CFAP46: variants seen among roughly 807,000 people sequenced by gnomAD.
CFAP46 encodes cilia and flagella associated protein 46, also known as cilia- and flagella-associated protein 46.
A neutral mutation model predicts 325.7 loss-of-function variants in CFAP46; 245 were observed. The ratio of observed to expected loss-of-function variants is 0.75; its 90% CI spans 0.68 to 0.84. The LOEUF (loss-of-function observed/expected upper bound fraction) is 0.84. Among genes scored for constraint, CFAP46 ranks in the 40% least tolerant of loss-of-function variants. The pLI is 0.00. For synonymous variants in CFAP46, 1,523 were observed against 1,495.9 expected, an observed-to-expected ratio of 1.02 and a Z score of -0.42; for missense variants, 3,346 against 3,543.0, an observed-to-expected ratio of 0.94 and a Z score of 1.41.
chr10:132,920,719 C>G (rs1057016122), intron 13 of CFAP46, among the ~76,000 whole-genome samples: 3 of 152,226 alleles, frequency 2.0e-5, no homozygotes, highest in African/African-American at 7.2e-5. Context: ...CCCTCTCGGC[C>G]AGCACAGGGG....
intron 44 of CFAP46, among the ~76,000 whole-genome samples, chr10:132,838,731 C>T (rs1344230146): frequency 3.3e-5 from 5 of 152,252 alleles, no homozygotes; most frequent in South Asian, 2.1e-4. Context: ...GGATTTCTAC[C>T]GGGCGCAGAG....
At chr10:132,835,901 C>T (rs999439710) in intron 46 of CFAP46, among the ~76,000 whole-genome samples, 4 of 122,118 alleles carry the variant, frequency 3.3e-5, no homozygotes, top group African/African-American at 1.3e-4. Flanking sequence ...CCCCATGCTC[C>T]CGTCCCCTCC....
In CFAP46 at chr10:132,909,215, G is replaced by A. The variant is rs536131936; in HGVS notation, c.2679C>T (p.Thr893=). The change falls in exon 21 of 58, where the codon ACC becomes ACT. Residue 893 remains threonine (T), a synonymous_variant. Coordinates refer to ENST00000368586, the MANE Select transcript of CFAP46 (RefSeq NM_001200049.3). ...ACATTTCCAAGGCAACGAGGACTCTGGTCACCGAGCTGACATCCTCATTGG... is the reference window on the plus strand; with the variant it reads ...ACATTTCCAAGGCAACGAGGACTCTAGTCACCGAGCTGACATCCTCATTGG... ...QGTNEDVSSV[T]RVLVALEMYS... is the part of the protein sequence containing the mutation. 6.4e-7 allele frequency: 1 copy of A among 1,550,406 alleles called. No individual in the cohort carries two copies. The highest frequency in any genetic ancestry group is 2.0e-5 in the Admixed American group (1 of 51,012).
chr10:132,936,997 C>G lies in CFAP46; in HGVS notation c.719G>C (p.Ser240Thr), dbSNP rs1591102163. ...QLKEEKKNSISLSVTFYINML... is the reference protein window; with the variant it reads ...QLKEEKKNSITLSVTFYINML... ...ATTAATATAGAAAGTGACTGACAGG[C>G]TAATGGAATTTTTCTTTTCTTCCTT... Residue 240 changes from serine (S) to threonine (T), a missense_variant, in exon 7 of 58, where the codon AGC (serine) becomes ACC (threonine). Coordinates refer to ENST00000368586, the MANE Select transcript of CFAP46 (RefSeq NM_001200049.3). 2 of 1,545,904 alleles carry G rather than the reference C, an allele frequency of 1.3e-6. No homozygotes were observed. The highest frequency in any genetic ancestry group is 1.8e-6 in the Non-Finnish European group (2 of 1,136,676).
At chr10:132,942,248 C>T (rs1251707895) in intron 1 of CFAP46, 144 bp from the exon 2 acceptor site, 9 of 1,220,368 alleles carry the variant, frequency 7.4e-6, no homozygotes, top group South Asian at 6.1e-5. Flanking sequence ...CAGGGAGCAG[C>T]GGTGTGGGCG....
intron 50 of CFAP46, among the ~76,000 whole-genome samples, chr10:132,822,611 TGTGTTGTGTGA>T (rs1847889621): frequency 7.1e-6 from 1 of 140,920 alleles, no homozygotes; most frequent in African/African-American, 2.7e-5. Context: ...ATGTGTGCTG[TGTGTTGTGTGA>T]GTGCTGATGT....
At position 132,828,933 on chromosome 10, in the gene CFAP46, C is replaced by T. The variant is rs540831299; in HGVS notation, c.7117+4425G>A. The stretch of plus-strand genomic sequence containing the variant: ...CCCCGCCCCATCCCCTGGGTCTACA[C>T]GGCTACCGTCACGCCTGCGCTCCAC... On this transcript the variant is annotated intron_variant, in intron 50 of 57. Coordinates refer to ENST00000368586, the MANE Select transcript of CFAP46 (RefSeq NM_001200049.3). The surrounding 1 kb of genome is among the most constrained non-coding windows in gnomAD (Gnocchi z 4.9). Among the ~76,000 whole-genome samples, 3 of 152,016 alleles carry T rather than the reference C, an allele frequency of 2.0e-5. No homozygotes were observed. Among genetic ancestry groups the T allele is most frequent in the South Asian group, 4.1e-4 (2 of 4,834 alleles).
At chr10:132,820,809 GTGTGTGCTGA>G (rs1269038291) in intron 50 of CFAP46, among the ~76,000 whole-genome samples, 1 of 146,032 alleles carries the variant, frequency 6.8e-6, no homozygotes, top group Non-Finnish European at 1.5e-5. Flanking sequence ...GATGTGTGCT[GTGTGTGCTGA>G]TGTGTGCTGA....
rs1848979641 is a variant in CFAP46 at position 132,877,927 on chromosome 10, T to G, written c.4166A>C (p.Lys1389Thr). 1.9e-6 allele frequency: 3 copies of G among 1,550,272 alleles called. No individual in the cohort carries two copies. Among genetic ancestry groups the G allele is most frequent in the Middle Eastern group, 1.7e-4 (1 of 5,978 alleles). ...CTCCTCCTTTCCCTTCTCCTTGTCC[T>G]TCTCTTTACTCCTCTCATTCTCCTT... ...KEKENERSKEKDKEKGKEEKV... is the reference protein window; with the variant it reads ...KEKENERSKETDKEKGKEEKV... The change falls in exon 30 of 58, where the codon AAG becomes ACG. Residue 1389 changes from lysine (K) to threonine (T), a missense_variant. Coordinates refer to ENST00000368586, the MANE Select transcript of CFAP46 (RefSeq NM_001200049.3). This position sits in a 1 kb window ranked among gnomAD's most constrained non-coding sequence, Gnocchi z 5.7.
intron 50 of CFAP46, among the ~76,000 whole-genome samples, chr10:132,824,627 CTGTGTGCTGA>C (rs1430422908): frequency 3.3e-4 from 31 of 93,148 alleles, no homozygotes; most frequent in Non-Finnish European, 5.4e-4. Context: ...CTGATGTGTG[CTGTGTGCTGA>C]TGTGTGCTGA....
Position 132,941,477 on chromosome 10 carries a change from T to G in CFAP46, c.306+114A>C, listed in dbSNP as rs1010312047. On this transcript the variant is annotated intron_variant, in intron 3 of 57. Transcript: ENST00000368586. ...AGTTTCGTGTCACTCTGGAAAGGAA[T>G]TCCTTCACTCTACTACCCTAAGAAC... 7.3e-6 allele frequency: 10 copies of G among 1,374,766 alleles called. No individual in the cohort carries two copies. In the African/African-American group the frequency reaches 1.5e-4, roughly 20 times the overall value. 85.2% of individuals were successfully genotyped at this position (1,374,766 alleles called of 1,614,324 possible).
chr10:132,909,842 C>T, intron 20 of CFAP46, 77 bp downstream of exon 20: 2 of 1,327,106 alleles, frequency 1.5e-6, no homozygotes. Flanking sequence ...CCCGGGGGCC[C>T]CACCACCCCC....
At chr10:132,908,917 T>C (rs1419980780) in intron 21 of CFAP46, among the ~76,000 whole-genome samples, 3 of 152,122 alleles carry the variant, frequency 2.0e-5, no homozygotes, top group Non-Finnish European at 4.4e-5. Flanking sequence ...GAGGGTCCGC[T>C]CAAACAGCGT....
In CFAP46 at chr10:132,937,043, A is replaced by C. The variant is rs771100098; in HGVS notation, c.673T>G (p.Leu225Val). 3 of 1,516,112 alleles carry C rather than the reference A, an allele frequency of 2.0e-6. No individual in the cohort carries two copies. In the African/African-American group the frequency reaches 4.1e-5, roughly 21 times the overall value. 93.9% of individuals were successfully genotyped at this position (1,516,112 alleles called of 1,614,324 possible). Residue 225 changes from leucine (L) to valine (V), a missense_variant, in exon 7 of 58, where the codon TTA becomes GTA. By Grantham distance (32) the Leu-to-Val change is conservative. Transcript: ENST00000368586. ...TCCTTTAACTGAAGTTCGTCCATTA[A>C]TTCATGACGAACCTGTCATAAAATG... The part of the protein sequence containing the change: ...QIFSVMVRHE[L>V]MDELQLKEEK...
chr10:132,913,418 G>C (rs1012246974), intron 17 of CFAP46, among the ~76,000 whole-genome samples, 160 bp from the exon 18 acceptor site: 2 of 152,160 alleles, frequency 1.3e-5, no homozygotes, highest in Non-Finnish European at 2.9e-5. Context: ...CAGTCGCCCC[G>C]CCGCTGGCAC....
In CFAP46 at chr10:132,876,877, C is replaced by G. The variant is rs1201149428; in HGVS notation, c.4297G>C (p.Val1433Leu). 6.4e-7 allele frequency: 1 copy of G among 1,550,576 alleles called. No homozygotes were observed. Among genetic ancestry groups the G allele is most frequent in the Non-Finnish European group, 8.7e-7 (1 of 1,146,998 alleles). The change falls in exon 31 of 58, where the codon GTG becomes CTG. Residue 1433 changes from valine to leucine, a missense_variant. Physicochemically the swap from Val to Leu is conservative, Grantham distance 32. Transcript: ENST00000368586. This position sits in a 1 kb window ranked among gnomAD's most constrained non-coding sequence, Gnocchi z 4.1. The part of the protein sequence containing the change: ...EWASYSCPEE[V>L]LSVLKQDRSD... ...CTGTCCTGTTTCAGTACAGACAGCA[C>G]TTCCTCGGGGCAGGAGTAGGAAGCC...
In CFAP46 at chr10:132,932,428, C is replaced by T. The variant is rs899333144; in HGVS notation, c.866+2324G>A. Among the ~76,000 whole-genome samples the T allele has an allele frequency of 4.0e-4, 60 of 148,840 alleles. 1 individual carries two copies. Among genetic ancestry groups the T allele is most frequent in the Non-Finnish European group, 6.9e-4 (46 of 67,136 alleles). On this transcript the variant is annotated intron_variant, in intron 8 of 57. Transcript: ENST00000368586. ...CACACAGAGGCTGGGCCTTCCTTGT[C>T]GCCACACAGAGCCTGGGCCTCCCCA... is the stretch of plus-strand genomic sequence containing the variant.
At chr10:132,908,989 G>A (rs73393300) in intron 21 of CFAP46, 148 bp downstream of exon 21, 2 of 632,466 alleles carry the variant, frequency 3.2e-6, no homozygotes, top group Admixed American at 2.7e-5. Flanking sequence ...GCGTCGAGGG[G>A]GCGCAGCTCC....
At chr10:132,820,736 C>A (rs1340843588) in intron 50 of CFAP46, among the ~76,000 whole-genome samples, 2 of 69,598 alleles carry the variant, frequency 2.9e-5, no homozygotes, top group Non-Finnish European at 6.8e-5. Flanking sequence ...TGTGTGTGCA[C>A]TGATGTGTGC....
Sources: gnomAD v4.1 joint callset for allele counts (sites outside exome capture counted in the v4.1 genomes callset) on GRCh38, gnomAD v4.1.1 for gene constraint, Gnocchi (gnomAD v3.1) non-coding constraint, MANE v1.5 for transcripts, NCBI Gene and HGNC (gene_info 2026-07-23, HGNC 2026-07-21) for gene names.